The following USP34 variants were observed in gnomAD, a reference collection of about 807,000 sequenced individuals.
USP34 encodes ubiquitin specific peptidase 34, also known as ubiquitin carboxyl-terminal hydrolase 34.
Under a neutral mutation model 460.3 loss-of-function variants are expected in USP34, and 70 were observed. The observed-to-expected ratio is 0.15, with a 90% confidence interval of 0.13 to 0.19. USP34 has a LOEUF of 0.19. Ranked by LOEUF, USP34 falls within the 10% of genes least tolerant of loss-of-function variation. USP34 has a pLI of 1.00. For missense variants in USP34, 3,985 were observed against 4,236.2 expected, an observed-to-expected ratio of 0.94 and a Z score of 1.65; for synonymous variants, 1,647 against 1,405.3, an observed-to-expected ratio of 1.17 and a Z score of -3.85.
chr2:61,221,547 T>C lies in USP34; in HGVS notation c.7854A>G (p.Pro2618=). Reference sequence around the variant, plus strand: ...TATAAGATGCAAAGGGAGGCATTCCTGGAGGTCCACCAGCAAACTCCATTA... The same window carrying C: ...TATAAGATGCAAAGGGAGGCATTCCCGGAGGTCCACCAGCAAACTCCATTA... ...TMLMEFAGGP[P]GMPPFASYIL... is the part of the protein sequence containing the mutation. The change falls in exon 66 of 80, where the codon CCA becomes CCG. Residue 2618 remains proline, a synonymous_variant. Coordinates refer to ENST00000398571, the MANE Select transcript of USP34 (RefSeq NM_014709.4). 2 of 1,614,120 alleles carry C rather than the reference T, an allele frequency of 1.2e-6. No homozygotes were observed. The highest frequency in any genetic ancestry group is 1.1e-5 in the South Asian group (1 of 91,086).
intron 3 of USP34, among the ~76,000 whole-genome samples, chr2:61,397,563 CA>C (rs1693574380): frequency 6.6e-6 from 1 of 152,042 alleles, no homozygotes; most frequent in Non-Finnish European, 1.5e-5. Flanking sequence ...GTCAGGAGTT[CA>C]AAACCAGCCT....
Position 61,347,939 on chromosome 2 carries a change from A to C in USP34, c.2216T>G (p.Phe739Cys), listed in dbSNP as rs754099652. 2.5e-6 allele frequency: 4 copies of C among 1,614,124 alleles called. No individual in the cohort carries two copies. The highest frequency in any genetic ancestry group is 3.4e-6 in the Non-Finnish European group (4 of 1,180,022). Residue 739 changes from phenylalanine (F) to cysteine (C), a missense_variant, in exon 15 of 80, where the codon TTT becomes TGT. Phe to Cys is a radical substitution (Grantham distance 205). Around this residue, in one of 14 missense-constraint regions of USP34, gnomAD observed 716 missense variants for 626.2 expected, o/e 1.14. Coordinates refer to ENST00000398571, the MANE Select transcript of USP34 (RefSeq NM_014709.4). ...TGGACCAATAAATTGTCGACAATTA[A>C]ATAATTCATTCCCAATAGTCTCCCC... ...FLGETIGNEL[F>C]NCRQFIGPQH...
At chr2:61,237,244 A>T (rs1422192090) in intron 53 of USP34, among the ~76,000 whole-genome samples, 1 of 152,148 alleles carries the variant, frequency 6.6e-6, no homozygotes, top group South Asian at 2.1e-4. Context: ...ACTCTGTATC[A>T]GGCAGAGTCT....
chr2:61,383,461 T>C (rs1693037384), intron 5 of USP34, 125 bp from the exon 6 acceptor site: 1 of 578,590 alleles, frequency 1.7e-6, no homozygotes, highest in Non-Finnish European at 2.9e-6. Flanking sequence ...TCCCAGCACT[T>C]TGGGAGGCTG....
chr2:61,324,471 A>G (rs1691023568), intron 21 of USP34, among the ~76,000 whole-genome samples: 1 of 152,208 alleles, frequency 6.6e-6, no homozygotes, highest in Non-Finnish European at 1.5e-5. Context: ...TTCTACAAGC[A>G]AAAATAATAA....
At chr2:61,190,247 C>T in intron 78 of USP34, 24 bp downstream of exon 78, 1 of 1,583,858 alleles carries the variant, frequency 6.3e-7, no homozygotes, top group Non-Finnish European at 8.6e-7. Context: ...AAAGTGTGTG[C>T]CGCCGCCTCT....
intron 1 of USP34, among the ~76,000 whole-genome samples, chr2:61,456,364 A>C (rs1188934258): frequency 6.6e-6 from 1 of 152,240 alleles, no homozygotes; most frequent in African/African-American, 2.4e-5. Flanking sequence ...TTTCAGGAAC[A>C]GAGTCAATAA....
intron 7 of USP34, among the ~76,000 whole-genome samples, chr2:61,378,704 T>C (rs1022450445): frequency 2.0e-5 from 3 of 151,576 alleles, no homozygotes; most frequent in African/African-American, 7.3e-5. Context: ...TCAGGAGCTC[T>C]GAGACCAGCC....
At chr2:61,194,934 CAAGAGTGA>C (rs1686753094) in intron 75 of USP34, among the ~76,000 whole-genome samples, 1 of 136,400 alleles carries the variant, frequency 7.3e-6, no homozygotes, top group African/African-American at 2.8e-5. Flanking sequence ...GCCTGGACAA[CAAGAGTGA>C]AACTCTGTCA....
At chr2:61,395,130 TTTG>T (rs1409558891) in intron 4 of USP34, 50 bp downstream of exon 4, 2 of 1,466,928 alleles carry the variant, frequency 1.4e-6, no homozygotes, top group Non-Finnish European at 1.9e-6. Flanking sequence ...TGGATGAGGC[TTTG>T]TTAAAAAAAT....
At chr2:61,457,212 A>C (rs1695465808) in intron 1 of USP34, among the ~76,000 whole-genome samples, 1 of 152,142 alleles carries the variant, frequency 6.6e-6, no homozygotes, top group Non-Finnish European at 1.5e-5. Context: ...GGAGGTCAAG[A>C]CTACAGTGAG....
chr2:61,399,606 T>C (rs1355208063), intron 3 of USP34, among the ~76,000 whole-genome samples: 1 of 151,920 alleles, frequency 6.6e-6, no homozygotes, highest in Non-Finnish European at 1.5e-5. Flanking sequence ...GCGCGGTGGC[T>C]CATGCCTGTA....
chr2:61,411,345 T>C (rs1268693709), intron 2 of USP34, among the ~76,000 whole-genome samples: 7 of 147,948 alleles, frequency 4.7e-5, no homozygotes, highest in African/African-American at 1.8e-4. Flanking sequence ...TATGCCACTG[T>C]ACTCCAGCCC....
At chr2:61,423,692 C>G (rs1694427454) in intron 1 of USP34, among the ~76,000 whole-genome samples, 1 of 152,138 alleles carries the variant, frequency 6.6e-6, no homozygotes, top group Non-Finnish European at 1.5e-5. Context: ...ACCTCCGATC[C>G]TAGTGCTTTG....
chr2:61,195,116 A>T (rs113541262), intron 75 of USP34, among the ~76,000 whole-genome samples: 113 of 152,198 alleles, frequency 7.4e-4, no homozygotes, highest in African/African-American at 2.5e-3. Context: ...GCTATTCAGG[A>T]GGCTGAGGCA....
At chr2:61,382,181 TAAAAGCC>T (rs1692993400) in intron 6 of USP34, among the ~76,000 whole-genome samples, 1 of 152,200 alleles carries the variant, frequency 6.6e-6, no homozygotes, top group Non-Finnish European at 1.5e-5. Context: ...ATGATCTATT[TAAAAGCC>T]AAATAAAACT....
At chr2:61,417,541 G>T (rs1694230365) in intron 2 of USP34, among the ~76,000 whole-genome samples, 1 of 152,038 alleles carries the variant, frequency 6.6e-6, no homozygotes. Flanking sequence ...ATTTAAAACT[G>T]TACTGTTCTC....
chr2:61,428,046 T>G (rs1237439723), intron 1 of USP34, among the ~76,000 whole-genome samples: 3 of 151,546 alleles, frequency 2.0e-5, no homozygotes, highest in Non-Finnish European at 4.4e-5. Flanking sequence ...GTGCCTGTAG[T>G]CCCAGCTACT....
chr2:61,208,703 T>G (rs768502019), intron 70 of USP34, 196 bp downstream of exon 70: 2 of 340,386 alleles, frequency 5.9e-6, no homozygotes, highest in Non-Finnish European at 1.1e-5. Context: ...GGAATTACTA[T>G]GGAAAAAGGA....
Sources: gnomAD v4.1 joint callset for allele counts (sites outside exome capture counted in the v4.1 genomes callset) on GRCh38, gnomAD v4.1.1 for gene constraint, gnomAD v4.1.1 regional missense constraint, MANE v1.5 for transcripts, NCBI Gene and HGNC (gene_info 2026-07-23, HGNC 2026-07-21) for gene names.